The following SCP2 variants were observed in gnomAD, a reference collection of about 807,000 sequenced individuals.
SCP2 encodes the protein sterol carrier protein 2.
Under a neutral mutation model 71.4 loss-of-function variants are expected in SCP2, and 48 were observed. That is an observed-to-expected ratio of 0.67 (90% CI 0.53 to 0.86). The LOEUF (loss-of-function observed/expected upper bound fraction) is 0.86, where lower values mean the gene tolerates loss of function less well. SCP2 is among the 40% of genes least tolerant of loss of function. The probability of loss-of-function intolerance (pLI) is 0.00; values close to 1 mark genes in which losing one functional copy is unlikely to be tolerated. For synonymous variants in SCP2, 220 were observed against 218.1 expected (o/e 1.01, Z -0.08); for missense variants, 560 against 655.6 (o/e 0.85, Z 1.59).
At chr1:53,020,826 C>G (rs1424688955) in intron 12 of SCP2, among the ~76,000 whole-genome samples, 1 of 152,106 alleles carries the variant, frequency 6.6e-6, no homozygotes, top group Non-Finnish European at 1.5e-5. Context: ...ACCCATGTGC[C>G]TGCTCTGAGG....
Position 53,050,808 on chromosome 1 carries a change from G to A in SCP2, c.*104G>A. 3.6e-6 allele frequency: 3 copies of A among 842,026 alleles called. No homozygotes were observed. Among genetic ancestry groups the A allele is most frequent in the Admixed American group, 1.8e-5 (1 of 56,858 alleles). The allele number at this position is 842,026 out of a possible 1,614,324, so 52.2% of individuals were successfully genotyped here. A position where few individuals can be genotyped will look rare whatever the true frequency, so the allele number is the denominator to read the frequency against. ...GACTGAAACTACACATTGGCAAATA[G>A]CGTGGGATAGATTTGTTTCTTAATG... On this transcript the variant is annotated 3_prime_UTR_variant, in exon 16 of 16. Coordinates refer to ENST00000371514, the MANE Select transcript of SCP2 (RefSeq NM_002979.5).
chr1:52,933,805 A>G (rs1175670038), intron 1 of SCP2, among the ~76,000 whole-genome samples: 1 of 152,202 alleles, frequency 6.6e-6, no homozygotes, highest in African/African-American at 2.4e-5. Flanking sequence ...AAAGATCAAG[A>G]CTATTCATAA....
intron 11 of SCP2, among the ~76,000 whole-genome samples, chr1:53,002,530 G>C (rs974238207): frequency 1.3e-5 from 2 of 152,194 alleles, no homozygotes; most frequent in African/African-American, 4.8e-5. Flanking sequence ...GAGAGGCTGT[G>C]CACAAAAAAT....
chr1:53,009,418 T>C (rs1451717007), intron 11 of SCP2, among the ~76,000 whole-genome samples: 1 of 152,080 alleles, frequency 6.6e-6, no homozygotes, highest in African/African-American at 2.4e-5. Context: ...GGTACTGGTA[T>C]CAAAACAGAG....
intron 10 of SCP2, 101 bp downstream of exon 10, chr1:52,980,644 C>A: frequency 8.3e-7 from 1 of 1,202,242 alleles, no homozygotes; most frequent in Non-Finnish European, 1.2e-6. Flanking sequence ...TTTCCCTTAA[C>A]GTTGGCTCTG....
intron 1 of SCP2, among the ~76,000 whole-genome samples, chr1:52,932,221 G>C (rs1012454181): frequency 6.6e-6 from 1 of 152,048 alleles, no homozygotes; most frequent in South Asian, 2.1e-4. Flanking sequence ...AAGCCAATCC[G>C]ATGAATAAAA....
chr1:52,979,883 C>T (rs1367901437), intron 9 of SCP2, among the ~76,000 whole-genome samples: 1 of 150,776 alleles, frequency 6.6e-6, no homozygotes, highest in East Asian at 1.9e-4. Context: ...ATTGACTGAC[C>T]CTCCTTCCCT....
intron 6 of SCP2, 152 bp downstream of exon 6, chr1:52,961,781 A>C (rs1656483087): frequency 1.4e-6 from 1 of 715,914 alleles, no homozygotes; most frequent in Non-Finnish European, 2.4e-6. Context: ...GTTCTTGTAG[A>C]ACTTAGTCAT....
intron 3 of SCP2, among the ~76,000 whole-genome samples, chr1:52,950,280 C>T (rs1268327883): frequency 2.0e-5 from 3 of 152,116 alleles, no homozygotes; most frequent in Admixed American, 6.5e-5. Flanking sequence ...GCCACCATGC[C>T]TGGCTAATTT....
chr1:52,930,195 A>T (rs1653013114), intron 1 of SCP2, among the ~76,000 whole-genome samples: 1 of 152,176 alleles, frequency 6.6e-6, no homozygotes, highest in Non-Finnish European at 1.5e-5. Context: ...TGGTAATTTC[A>T]TGAAATACAT....
chr1:53,016,997 AG>A (rs1224256136), intron 12 of SCP2, among the ~76,000 whole-genome samples: 3 of 152,168 alleles, frequency 2.0e-5, no homozygotes, highest in Non-Finnish European at 4.4e-5. Flanking sequence ...GTCACATTTA[AG>A]GGCTGTGAAC....
At chr1:52,999,021 C>T (rs1660131610) in intron 11 of SCP2, among the ~76,000 whole-genome samples, 1 of 152,182 alleles carries the variant, frequency 6.6e-6, no homozygotes, top group Non-Finnish European at 1.5e-5. Flanking sequence ...TTTGAGTCTA[C>T]ACTGTTGGTA....
intron 11 of SCP2, among the ~76,000 whole-genome samples, chr1:53,010,627 G>A (rs1333095452): frequency 3.3e-5 from 5 of 152,078 alleles, no homozygotes; most frequent in Non-Finnish European, 4.4e-5. Flanking sequence ...GGGGTCTGTC[G>A]TTGGGTGGGG....
At chr1:52,955,547 C>A (rs1403724339) in intron 5 of SCP2, among the ~76,000 whole-genome samples, 1 of 151,096 alleles carries the variant, frequency 6.6e-6, no homozygotes, top group Non-Finnish European at 1.5e-5. Context: ...ATAAAAAACT[C>A]AGTAAAACCT....
chr1:53,012,984 A>G (rs577961646), intron 11 of SCP2, among the ~76,000 whole-genome samples: 1 of 152,292 alleles, frequency 6.6e-6, no homozygotes, highest in South Asian at 2.1e-4. Flanking sequence ...TTATAAAGGC[A>G]GATTTCCAGT....
chr1:53,034,629 G>A (rs1484015207), intron 13 of SCP2, among the ~76,000 whole-genome samples: 1 of 152,094 alleles, frequency 6.6e-6, no homozygotes, highest in Non-Finnish European at 1.5e-5. Flanking sequence ...CAATGCTGTT[G>A]TAAAACAAAA....
At chr1:52,975,254 C>T (rs1657854835) in intron 7 of SCP2, among the ~76,000 whole-genome samples, 1 of 151,942 alleles carries the variant, frequency 6.6e-6, no homozygotes, top group East Asian at 1.9e-4. Context: ...GATCTCGGCT[C>T]ACTGCAACCT....
intron 6 of SCP2, among the ~76,000 whole-genome samples, chr1:52,962,066 T>A (rs1656515374): frequency 6.6e-6 from 1 of 152,162 alleles, no homozygotes; most frequent in East Asian, 1.9e-4. Context: ...CATGTTCGGC[T>A]AATTTTTTGT....
chr1:53,044,209 C>T (rs1053646040), intron 14 of SCP2, among the ~76,000 whole-genome samples: 6 of 152,136 alleles, frequency 3.9e-5, no homozygotes, highest in African/African-American at 1.4e-4. Context: ...AGGCACCTGC[C>T]ACCATGCTCG....
Sources: allele counts gnomAD v4.1 joint callset (sites outside exome capture counted in the v4.1 genomes callset), GRCh38; gene constraint gnomAD v4.1.1; transcripts MANE v1.5; gene names NCBI Gene and HGNC (gene_info 2026-07-23, HGNC 2026-07-21).